The following JAKMIP3 variants were observed in gnomAD, a reference collection of about 807,000 sequenced individuals.
JAKMIP3 encodes janus kinase and microtubule-interacting protein 3.
JAKMIP3 carries 58 observed loss-of-function variants against 118.5 expected under a neutral mutation model. That is an observed-to-expected ratio of 0.49 (90% CI 0.40 to 0.61). The LOEUF is 0.61. JAKMIP3 is among the 20% of genes least tolerant of loss of function. The pLI, the probability that JAKMIP3 is intolerant of heterozygous loss-of-function variation, is 0.00. For missense variants in JAKMIP3, 950 were observed against 1,109.0 expected (o/e 0.86, Z 2.04); for synonymous variants, 486 against 451.2 (o/e 1.08, Z -0.98).
intron 19 of JAKMIP3, among the ~76,000 whole-genome samples, chr10:132,159,693 AGG>A (rs2057730850): frequency 2.7e-5 from 1 of 37,228 alleles, no homozygotes; most frequent in East Asian, 1.0e-3. Flanking sequence ...TGTGATGCTC[AGG>A]GGGCCTCTCC....
chr10:132,044,978 C>T lies in JAKMIP3; in HGVS notation c.-138+8240C>T, dbSNP rs1320543734. Among the ~76,000 whole-genome samples, 1 of 152,114 alleles carries T rather than the reference C, an allele frequency of 6.6e-6. No individual in the cohort carries two copies. Among genetic ancestry groups the T allele is most frequent in the Non-Finnish European group, 1.5e-5 (1 of 68,032 alleles). On this transcript the variant is annotated intron_variant, in intron 1 of 23. Transcript: ENST00000657785. This position sits in a 1 kb window ranked among gnomAD's most constrained non-coding sequence, Gnocchi z 5.3. ...CTCCACGGAAGGGATGTGCGTTTTG[C>T]TGACTCATCATCCGCGGGTGGACAC...
chr10:132,104,784 A>G lies in JAKMIP3; in HGVS notation c.-25A>G. On this transcript the variant is annotated 5_prime_UTR_variant, in exon 2 of 24. Transcript: ENST00000684848. ...CAGCCGGAGCACCCTACCCCTGGGCATCCCCCTGGCCATCCAGCCTCACCA... is the reference window on the plus strand; with the variant it reads ...CAGCCGGAGCACCCTACCCCTGGGCGTCCCCCTGGCCATCCAGCCTCACCA... 6.5e-7 allele frequency: 1 copy of G among 1,545,708 alleles called. No individual in the cohort carries two copies. Among genetic ancestry groups the G allele is most frequent in the Non-Finnish European group, 8.7e-7 (1 of 1,143,538 alleles).
chr10:132,119,350 T>C (rs2048195455), intron 3 of JAKMIP3, among the ~76,000 whole-genome samples: 1 of 152,252 alleles, frequency 6.6e-6, no homozygotes, highest in Admixed American at 6.5e-5. Flanking sequence ...TTGCTTATCT[T>C]TCCCTTTAGG....
intron 20 of JAKMIP3, among the ~76,000 whole-genome samples, chr10:132,163,875 C>T (rs1473373389): frequency 6.6e-6 from 1 of 152,246 alleles, no homozygotes; most frequent in East Asian, 1.9e-4. Flanking sequence ...GGGACAGCAG[C>T]CCAAGGCCTG....
At chr10:132,088,820 C>T (rs2042746662) in intron 1 of JAKMIP3, among the ~76,000 whole-genome samples, 1 of 152,136 alleles carries the variant, frequency 6.6e-6, no homozygotes, top group Non-Finnish European at 1.5e-5. Context: ...AGGTTTTCTT[C>T]TAGGGTTTTT....
rs531091137 is a variant in JAKMIP3, at chr10:132,135,890, C to T, written c.970-40C>T. ...TCTGCGTGGAGACCTGCTGGTTCTC[C>T]GTCACTTAAAGAACAATCACATAGT... On this transcript the variant is annotated intron_variant, in intron 5 of 23. Transcript: ENST00000684848. 66 of 1,587,328 alleles carry T rather than the reference C, an allele frequency of 4.2e-5. 1 individual carries two copies. The highest frequency in any genetic ancestry group is 1.7e-4 in the Middle Eastern group (1 of 5,952).
intron 16 of JAKMIP3, 118 bp from the exon 17 acceptor site, chr10:132,152,840 C>T (rs537749193): frequency 1.4e-6 from 1 of 734,276 alleles, no homozygotes; most frequent in Non-Finnish European, 2.4e-6. Flanking sequence ...TTAGCTCTGG[C>T]CCCCACCCAG....
chr10:132,102,924 G>T (rs2045222698), intron 1 of JAKMIP3, among the ~76,000 whole-genome samples: 1 of 151,908 alleles, frequency 6.6e-6, no homozygotes, highest in South Asian at 2.1e-4. Flanking sequence ...CAGGAGTGAT[G>T]GGGGCCTGTG....
At position 132,145,531 on chromosome 10, in the gene JAKMIP3, T is replaced by C; in HGVS notation, c.1700T>C (p.Ile567Thr). The C allele has an allele frequency of 5.1e-6, 8 of 1,561,304 alleles. No homozygotes were observed. The highest frequency in any genetic ancestry group is 6.9e-6 in the Non-Finnish European group (8 of 1,152,534). Residue 567 changes from isoleucine (I) to threonine (T), a missense_variant, in exon 13 of 24, where the codon ATT (isoleucine) becomes ACT (threonine). Physicochemically the swap from Ile to Thr is moderately conservative, Grantham distance 89 (BLOSUM62 -1). Transcript: ENST00000684848. Reference sequence around the variant, plus strand: ...TCCATTTGCAAGGATATGAAGTGGATTGAAGAGAAGCAGGCACTGTACCGG... The same window carrying C: ...TCCATTTGCAAGGATATGAAGTGGACTGAAGAGAAGCAGGCACTGTACCGG... ...LAEQGQDMKW[I>T]EEKQALYRRN...
chr10:132,037,377 C>T (rs2037545901), intron 1 of JAKMIP3, among the ~76,000 whole-genome samples: 1 of 152,098 alleles, frequency 6.6e-6, no homozygotes, highest in Non-Finnish European at 1.5e-5. Flanking sequence ...ACAGGAGGCT[C>T]TCCTAGGCAA....
intron 9 of JAKMIP3, among the ~76,000 whole-genome samples, chr10:132,139,386 GTGTA>G (rs1279085822): frequency 2.0e-5 from 3 of 149,160 alleles, no homozygotes; most frequent in South Asian, 2.1e-4. Context: ...GAGTATGTGA[GTGTA>G]TGAGTATGTG....
Position 132,168,172 on chromosome 10 carries a change from C to T in JAKMIP3, c.*242C>T, listed in dbSNP as rs759820690. On this transcript the variant is annotated 3_prime_UTR_variant, in exon 23 of 24. Coordinates refer to ENST00000684848, the MANE Select transcript of JAKMIP3 (RefSeq NM_001323087.2). ...TCTGCCGACTTCTCGGGGGCTTCTC[C>T]GGGACGGGCCTGGCCTTGGCTGCTG... 10 of 1,286,448 alleles carry T rather than the reference C, an allele frequency of 7.8e-6. No homozygotes were observed. The highest frequency in any genetic ancestry group is 5.0e-5 in the South Asian group (4 of 80,778). The allele number at this position is 1,286,448 out of a possible 1,614,324, so 79.7% of individuals were successfully genotyped here.
intron 23 of JAKMIP3, among the ~76,000 whole-genome samples, chr10:132,174,031 G>C (rs2059909830): frequency 6.6e-6 from 1 of 151,636 alleles, no homozygotes; most frequent in African/African-American, 2.4e-5. Flanking sequence ...ATGTGTTAGT[G>C]GTGGTGTGTG....
At chr10:132,111,986 A>G (rs1390273578) in intron 2 of JAKMIP3, among the ~76,000 whole-genome samples, 2 of 151,584 alleles carry the variant, frequency 1.3e-5, no homozygotes, top group Non-Finnish European at 2.9e-5. Context: ...GGTGTGTGGA[A>G]CTGCTCTGGG....
chr10:132,109,103 TACAC>T (rs35434481), intron 2 of JAKMIP3, among the ~76,000 whole-genome samples: 15 of 141,960 alleles, frequency 1.1e-4, no homozygotes, highest in African/African-American at 2.8e-4. Context: ...CATATATATA[TACAC>T]ACACACATAT....
chr10:132,042,217 T>TC (rs1224027328), intron 1 of JAKMIP3, among the ~76,000 whole-genome samples: 83 of 146,896 alleles, frequency 5.7e-4, no homozygotes, highest in African/African-American at 1.5e-3. Context: ...CTTCCTTCCT[T>TC]CTTTCCTCCT....
At chr10:132,152,109 C>A (rs80328962) in intron 16 of JAKMIP3, among the ~76,000 whole-genome samples, 2 of 152,168 alleles carry the variant, frequency 1.3e-5, no homozygotes, top group Non-Finnish European at 2.9e-5. Flanking sequence ...GGGCACCTGG[C>A]CCCAGCCATG....
chr10:132,103,158 C>T (rs2045266893), intron 1 of JAKMIP3, among the ~76,000 whole-genome samples: 1 of 151,952 alleles, frequency 6.6e-6, no homozygotes, highest in African/African-American at 2.4e-5. Context: ...AGAAGGTAAA[C>T]AAGGACAAGA....
Position 132,117,291 on chromosome 10 carries a change from AG to A in JAKMIP3, c.352del (p.Ala118HisfsTer55). The A allele has an allele frequency of 6.2e-7, 1 of 1,613,976 alleles. No individual in the cohort carries two copies. The highest frequency in any genetic ancestry group is 8.5e-7 in the Non-Finnish European group (1 of 1,179,896). ...AAGGACAACGAGAACCAGCGGCTGC[AG>A]GCACTGCTCAGTGCCCTGCGTGATG... ...KIKDNENQRLQALLSALRDGG... is the reference protein window; with the variant it reads ...KIKDNENQRLXALLSALRDGG... On this transcript the variant is annotated frameshift_variant, in exon 3 of 24. Transcript: ENST00000684848. The surrounding 1 kb of genome is among the most constrained non-coding windows in gnomAD (Gnocchi z 8.6).
Sources: allele counts gnomAD v4.1 joint callset (sites outside exome capture counted in the v4.1 genomes callset), GRCh38; gene constraint gnomAD v4.1.1; non-coding constraint Gnocchi (gnomAD v3.1); transcripts MANE v1.5; gene names NCBI Gene and HGNC (gene_info 2026-07-23, HGNC 2026-07-21).